The following GLOD4 variants were observed in gnomAD, a reference collection of about 807,000 sequenced individuals.
GLOD4 encodes glyoxalase domain containing 4, also known as glyoxalase domain-containing protein 4.
GLOD4 carries 44 observed loss-of-function variants against 39.1 expected under a neutral mutation model. That is an observed-to-expected ratio of 1.13 (90% confidence interval 0.88 to 1.45). The LOEUF is 1.45. GLOD4 is among the 40% of genes most tolerant of loss of function. The pLI, the probability that GLOD4 is intolerant of heterozygous loss-of-function variation, is 0.00. For synonymous variants in GLOD4, 145 were observed against 135.0 expected (o/e 1.07, Z -0.52); for missense variants, 405 against 366.4 (o/e 1.11, Z -0.86).
Position 760,137 on chromosome 17 carries a change from G to A in GLOD4, c.*36C>T, listed in dbSNP as rs1194043530. On this transcript the variant is annotated 3_prime_UTR_variant, in exon 9 of 9. Transcript: ENST00000301329. ...CGTCAGGCCTCACAGGTGCTGGGCA[G>A]GAATCACAGAGGCTTGCTCTGCATC... 2.4e-6 allele frequency: 3 copies of A among 1,272,638 alleles called. No individual in the cohort carries two copies. The highest frequency in any genetic ancestry group is 3.5e-6 in the Non-Finnish European group (3 of 868,698). 78.8% of individuals were successfully genotyped at this position (1,272,638 alleles called of 1,614,324 possible).
intron 8 of GLOD4, among the ~76,000 whole-genome samples, chr17:760,710 G>A (rs1275022829): frequency 6.6e-6 from 1 of 152,198 alleles, no homozygotes; most frequent in Non-Finnish European, 1.5e-5. Flanking sequence ...TAGTGATGAA[G>A]CCTGGAATGA....
chr17:774,474 TAAATACA>T (rs1448316245), intron 4 of GLOD4, among the ~76,000 whole-genome samples: 1 of 152,186 alleles, frequency 6.6e-6, no homozygotes, highest in Non-Finnish European at 1.5e-5. Flanking sequence ...TTGCAGGCAT[TAAATACA>T]AAATGAAACA....
intron 4 of GLOD4, among the ~76,000 whole-genome samples, chr17:771,684 A>G (rs1263408318): frequency 6.6e-6 from 1 of 152,158 alleles, no homozygotes; most frequent in Non-Finnish European, 1.5e-5. Context: ...TGCAGGTAAA[A>G]CACTGAGACC....
chr17:768,101 G>T lies in GLOD4; in HGVS notation c.831+1768C>A, dbSNP rs527647547. Among the ~76,000 whole-genome samples, 9 of 143,628 alleles carry T rather than the reference G, an allele frequency of 6.3e-5. No individual in the cohort carries two copies. The South Asian group carries it at 2.0e-3, about 32-fold the overall frequency. The allele number at this position is 143,628 out of a possible 152,430, so 94.2% of individuals were successfully genotyped here. A position where few individuals can be genotyped will look rare whatever the true frequency, so the allele number is the denominator to read the frequency against. The stretch of plus-strand genomic sequence containing the variant: ...TCAGATTTTTAGAAGAAGAAATCTG[G>T]AGAGGATGTGTGAGAGAGAAACAGC... On this transcript the variant is annotated intron_variant, in intron 8 of 8. Transcript: ENST00000301329.
At chr17:780,005 A>G (rs1157121450) in intron 1 of GLOD4, among the ~76,000 whole-genome samples, 1 of 152,102 alleles carries the variant, frequency 6.6e-6, no homozygotes, top group Non-Finnish European at 1.5e-5. Flanking sequence ...TCTACTAAAA[A>G]TACAAAAAAT....
At chr17:778,996 A>G (rs1345169591) in intron 1 of GLOD4, among the ~76,000 whole-genome samples, 1 of 152,134 alleles carries the variant, frequency 6.6e-6, no homozygotes, top group East Asian at 1.9e-4. Flanking sequence ...TGCAGTGGGA[A>G]AAAGTGTGGC....
chr17:782,968 G>A (rs1435934123), upstream of GLOD4: 4 of 1,431,424 alleles, frequency 2.8e-6, no homozygotes, highest in Non-Finnish European at 3.7e-6. Context: ...GATTACAGGC[G>A]TGAGCCACCG....
intron 8 of GLOD4, among the ~76,000 whole-genome samples, chr17:767,929 T>C (rs1906979572): frequency 7.9e-6 from 1 of 125,998 alleles, no homozygotes; most frequent in Non-Finnish European, 1.6e-5. Flanking sequence ...TTAGAAAAAA[T>C]CTGGAGAGGA....
At chr17:783,004 A>T, upstream of GLOD4, 1 of 1,524,200 alleles carries the variant, frequency 6.6e-7, no homozygotes. Context: ...GTAGCTCTTT[A>T]TTTCTGTTAC....
intron 4 of GLOD4, among the ~76,000 whole-genome samples, chr17:771,949 G>A (rs899045582): frequency 6.7e-6 from 1 of 150,080 alleles, no homozygotes; most frequent in Non-Finnish European, 1.5e-5. Flanking sequence ...GGAGGCGGAG[G>A]TTGCAGTGAG....
At chr17:770,202 T>C in intron 6 of GLOD4, 45 bp from the exon 7 acceptor site, 1 of 1,028,900 alleles carries the variant, frequency 9.7e-7, no homozygotes, top group Non-Finnish European at 1.5e-6. Context: ...CACACACTAC[T>C]CAGGACACGG....
chr17:782,352 C>A (rs764677467), upstream of GLOD4: 2 of 1,612,866 alleles, frequency 1.2e-6, no homozygotes, highest in South Asian at 2.2e-5. Flanking sequence ...GGCGCGCTTT[C>A]GTGACGCAGC....
chr17:775,213 G>A (rs1024731861), intron 4 of GLOD4, among the ~76,000 whole-genome samples: 3 of 151,716 alleles, frequency 2.0e-5, no homozygotes. Context: ...AGAGGTTGCA[G>A]TGAGCAGAGA....
upstream of GLOD4, among the ~76,000 whole-genome samples, chr17:784,238 G>A (rs760603248): frequency 4.6e-5 from 7 of 152,204 alleles, no homozygotes; most frequent in Non-Finnish European, 7.3e-5. Context: ...TGCTGAGAGA[G>A]GAGATTCTGG....
intron 4 of GLOD4, among the ~76,000 whole-genome samples, chr17:775,290 C>T (rs1174808038): frequency 6.6e-6 from 1 of 151,834 alleles, no homozygotes; most frequent in Non-Finnish European, 1.5e-5. Context: ...AAGTCAGCAT[C>T]TCCTCTCCTA....
Position 760,093 on chromosome 17 carries a change from C to A in GLOD4, c.*80G>T. The A allele has an allele frequency of 1.2e-6, 1 of 819,278 alleles. No individual in the cohort carries two copies. The highest frequency in any genetic ancestry group is 1.4e-5 in the South Asian group (1 of 73,276). 50.8% of individuals were successfully genotyped at this position (819,278 alleles called of 1,614,324 possible). A position where few individuals can be genotyped will look rare whatever the true frequency, so the allele number is the denominator to read the frequency against. On this transcript the variant is annotated 3_prime_UTR_variant, in exon 9 of 9. Transcript: ENST00000301329. ...CTGTACGGGAAACAAATCAGAAGAG[C>A]ATTTATTGGGAACTGACACGTCAGG... is the stretch of plus-strand genomic sequence containing the variant.
At chr17:773,108 C>G (rs141156209) in intron 4 of GLOD4, among the ~76,000 whole-genome samples, 33 of 152,220 alleles carry the variant, frequency 2.2e-4, no homozygotes, top group African/African-American at 7.9e-4. Flanking sequence ...GCAGTGTTAA[C>G]TGTGTTAGTG....
chr17:781,900 G>A (rs930578962), intron 1 of GLOD4: 44 of 464,798 alleles, frequency 9.5e-5, no homozygotes, highest in East Asian at 1.7e-4. Context: ...ACAAGGGCGG[G>A]GCTCAATAAA....
At chr17:760,926 C>T (rs941658) in intron 8 of GLOD4, among the ~76,000 whole-genome samples, 132,562 of 152,004 alleles carry the variant, frequency 0.87, 58,043 homozygotes, top group African/African-American at 0.96. Flanking sequence ...GTCTCATATA[C>T]ATACATACAG....
Sources: gnomAD v4.1 joint callset for allele counts (sites outside exome capture counted in the v4.1 genomes callset) on GRCh38, gnomAD v4.1.1 for gene constraint, MANE v1.5 for transcripts, NCBI Gene and HGNC (gene_info 2026-07-23, HGNC 2026-07-21) for gene names.